The following MARCHF8 variants were observed in gnomAD, a reference collection of about 807,000 sequenced individuals.
MARCHF8 encodes the protein E3 ubiquitin-protein ligase MARCHF8.
In MARCHF8, 40 loss-of-function variants were observed where a neutral mutation model predicts 51.6. The observed-to-expected ratio is 0.77, with a 90% CI of 0.60 to 1.01. The LOEUF is 1.01. MARCHF8 is among the 50% of genes least tolerant of loss of function. The pLI is 0.00. For missense variants in MARCHF8, 685 were observed against 708.6 expected (o/e 0.97, Z 0.38); for synonymous variants, 263 against 280.3 (o/e 0.94, Z 0.62).
At chr10:45,538,077 G>A (rs1298255344), upstream of MARCHF8, among the ~76,000 whole-genome samples, 1 of 152,082 alleles carries the variant, frequency 6.6e-6, no homozygotes, top group Non-Finnish European at 1.5e-5. Flanking sequence ...CAAAGGTTGG[G>A]TTACCCACAA....
chr10:45,463,450 G>C lies in MARCHF8; in HGVS notation c.789C>G (p.Phe263Leu), dbSNP rs1842860480. The C allele has an allele frequency of 6.4e-7, 1 of 1,550,530 alleles. No individual in the cohort carries two copies. The highest frequency in any genetic ancestry group is 1.4e-5 in the African/African-American group (1 of 73,050). ...SRSRQLLQYL[F>L]SLSHGLSASS... is the part of the protein sequence containing the mutation. ...TGGCGCTCAAGCCGTGCGAGAGTGA[G>C]AACAGGTACTGGAGCAGTTGCCGGC... Residue 263 changes from phenylalanine (F) to leucine (L), a missense_variant, in exon 5 of 8, where the codon TTC becomes TTG. Coordinates refer to ENST00000453424, the MANE Select transcript of MARCHF8 (RefSeq NM_001282866.2).
intron 2 of MARCHF8, among the ~76,000 whole-genome samples, chr10:45,511,948 C>T (rs2043518530): frequency 6.6e-6 from 1 of 151,628 alleles, no homozygotes; most frequent in Non-Finnish European, 1.5e-5. Context: ...GCCGCCATCC[C>T]GTCTAGGAAG....
chr10:45,533,251 T>A lies in MARCHF8; in HGVS notation c.-40A>T. 1 of 1,575,128 alleles carries A rather than the reference T, an allele frequency of 6.3e-7. No homozygotes were observed. Among genetic ancestry groups the A allele is most frequent in the Non-Finnish European group, 8.6e-7 (1 of 1,165,908 alleles). ...TGGTCGTCTTCTTCACAGAAGAGAG[T>A]CTCCACTGGTAGAGTCATTTTGGGC... On this transcript the variant is annotated 5_prime_UTR_variant, in exon 2 of 8. Transcript: ENST00000453424.
At chr10:45,553,881 GA>G (rs1236571116) in intron 1 of MARCHF8, among the ~76,000 whole-genome samples, 2 of 151,688 alleles carry the variant, frequency 1.3e-5, no homozygotes, top group Middle Eastern at 3.2e-3. Flanking sequence ...TGGAATGCAG[GA>G]AAAAAAATAG....
intron 1 of MARCHF8, among the ~76,000 whole-genome samples, chr10:45,590,711 T>C (rs575165722): frequency 1.5e-4 from 23 of 152,306 alleles, no homozygotes; most frequent in South Asian, 4.1e-4. Context: ...GATATACATA[T>C]ACAACGTAAA....
chr10:45,556,373 A>T lies in MARCHF8; in HGVS notation c.-78-23084T>A, dbSNP rs189210448. On this transcript the variant is annotated intron_variant, in intron 1 of 6. Coordinates refer to the MARCHF8 transcript ENST00000319836. Reference sequence around the variant, plus strand: ...ACAGCCCTTATCTTTCAGTGAAAGTACTAAAATATTTACAGATAAAATGAA... The same window carrying T: ...ACAGCCCTTATCTTTCAGTGAAAGTTCTAAAATATTTACAGATAAAATGAA... Among the ~76,000 whole-genome samples, 23 of 152,354 alleles carry T rather than the reference A, an allele frequency of 1.5e-4. No homozygotes were observed. In the East Asian group the frequency reaches 4.0e-3, roughly 27 times the overall value.
At chr10:45,485,017 C>G (rs1475170903) in intron 3 of MARCHF8, among the ~76,000 whole-genome samples, 4 of 152,294 alleles carry the variant, frequency 2.6e-5, no homozygotes, top group Middle Eastern at 6.8e-3. Context: ...TCTTGAGAAG[C>G]TACTGCAGGA....
At chr10:45,547,851 T>C (rs867444898) in intron 1 of MARCHF8, among the ~76,000 whole-genome samples, 1 of 152,270 alleles carries the variant, frequency 6.6e-6, no homozygotes, top group East Asian at 1.9e-4. Context: ...TGCCTAAAAT[T>C]TGGCAAAGAT....
chr10:45,463,140 G>A lies in MARCHF8; in HGVS notation c.1088+11C>T. 1 of 1,543,578 alleles carries A rather than the reference G, an allele frequency of 6.5e-7. No individual in the cohort carries two copies. The highest frequency in any genetic ancestry group is 8.8e-7 in the Non-Finnish European group (1 of 1,142,736). On this transcript the variant is annotated intron_variant, in intron 5 of 7. Coordinates refer to ENST00000453424, the MANE Select transcript of MARCHF8 (RefSeq NM_001282866.2). ...AGAGATGGCTAGAATGGCACTTCCT[G>A]GCAAACCAACCTGCAGACATCCCCT... is the stretch of plus-strand genomic sequence containing the variant.
At chr10:45,550,891 T>C (rs371864972) in intron 1 of MARCHF8, among the ~76,000 whole-genome samples, 12 of 152,242 alleles carry the variant, frequency 7.9e-5, no homozygotes, top group African/African-American at 2.9e-4. Context: ...TTAAAAACAG[T>C]CCTTCAATAT....
chr10:45,540,664 A>G (rs2044039948), intron 1 of MARCHF8, among the ~76,000 whole-genome samples: 1 of 152,174 alleles, frequency 6.6e-6, no homozygotes, highest in Non-Finnish European at 1.5e-5. Flanking sequence ...TTTGCAATCT[A>G]CTCAGCTGAC....
chr10:45,582,120 T>C (rs1441845055), intron 1 of MARCHF8, among the ~76,000 whole-genome samples: 4 of 152,210 alleles, frequency 2.6e-5, no homozygotes, highest in African/African-American at 9.7e-5. Context: ...CATCCAGTAC[T>C]ATCCCTGGCT....
chr10:45,501,535 C>G (rs960407522), intron 2 of MARCHF8, among the ~76,000 whole-genome samples: 8 of 151,980 alleles, frequency 5.3e-5, no homozygotes, highest in Non-Finnish European at 1.2e-4. Context: ...AATCTAAAAC[C>G]ATAAAACATT....
chr10:45,592,255 C>T (rs1451391294), intron 1 of MARCHF8, among the ~76,000 whole-genome samples: 1 of 152,180 alleles, frequency 6.6e-6, no homozygotes, highest in Non-Finnish European at 1.5e-5. Context: ...CCCTTCAATA[C>T]AGCAAAGACA....
chr10:45,535,052 A>C (rs1411495151), intron 1 of MARCHF8, among the ~76,000 whole-genome samples, 159 bp downstream of exon 1: 1 of 152,252 alleles, frequency 6.6e-6, no homozygotes, highest in African/African-American at 2.4e-5. Context: ...CAACAAAAAA[A>C]GGAAAATAGA....
chr10:45,562,875 G>A (rs942486186), intron 1 of MARCHF8, among the ~76,000 whole-genome samples: 2 of 151,678 alleles, frequency 1.3e-5, no homozygotes, highest in African/African-American at 4.8e-5. Context: ...ATGAGGAAGG[G>A]GAGGTCATTA....
intron 2 of MARCHF8, among the ~76,000 whole-genome samples, chr10:45,502,621 G>A (rs1462013690): frequency 1.3e-5 from 2 of 152,038 alleles, no homozygotes. Context: ...AAACCCTCAA[G>A]GCCAGTAGTC....
intron 1 of MARCHF8, among the ~76,000 whole-genome samples, chr10:45,547,107 A>G (rs1358391793): frequency 6.6e-6 from 1 of 152,212 alleles, no homozygotes; most frequent in Non-Finnish European, 1.5e-5. Flanking sequence ...GGTACAATAA[A>G]TGTTAAATAA....
Position 45,458,445 on chromosome 10 carries a change from G to A in MARCHF8, c.1516C>T (p.Gln506Ter), listed in dbSNP as rs771434847. The stretch of plus-strand genomic sequence containing the variant: ...TAGGCCTTGAGTCTCTTCCACAATT[G>A]CACATACACTTTACACTGAACATAC... The part of the protein sequence containing the change: ...FMYVQCKVYV[Q>*]LWKRLKAYNR... The change falls in exon 8 of 8, where the codon CAA becomes TAA. Residue 506 changes from glutamine to a stop codon, truncating the protein, a stop_gained. Transcript: ENST00000453424. LOFTEE classifies it high-confidence loss of function. The A allele has an allele frequency of 1.2e-6, 2 of 1,614,042 alleles. No homozygotes were observed. Among genetic ancestry groups the A allele is most frequent in the Admixed American group, 1.7e-5 (1 of 60,024 alleles).
Sources: allele counts gnomAD v4.1 joint callset (sites outside exome capture counted in the v4.1 genomes callset), GRCh38; gene constraint gnomAD v4.1.1; transcripts MANE v1.5; gene names NCBI Gene and HGNC (gene_info 2026-07-23, HGNC 2026-07-21).